PDE8B: variants seen among roughly 807,000 people sequenced by gnomAD.
PDE8B encodes the protein high affinity cAMP-specific and IBMX-insensitive 3',5'-cyclic phosphodiesterase 8B.
Under a neutral mutation model 101.3 loss-of-function variants are expected in PDE8B, and 26 were observed. The ratio of observed to expected loss-of-function variants is 0.26; its 90% CI spans 0.19 to 0.36. The LOEUF is 0.36. Among genes scored for constraint, PDE8B ranks in the 10% least tolerant of loss-of-function variants. The probability of loss-of-function intolerance (pLI) is 1.00; values close to 1 mark genes in which losing one functional copy is unlikely to be tolerated. For missense variants in PDE8B, 810 were observed against 1,163.1 expected, an observed-to-expected ratio of 0.70 and a Z score of 4.42; for synonymous variants, 424 against 429.3, an observed-to-expected ratio of 0.99 and a Z score of 0.15.
At chr5:77,204,801 A>G in the PDE8B span, among the ~76,000 whole-genome samples, 2 of 152,130 alleles carry the variant, frequency 1.3e-5, no homozygotes, top group Non-Finnish European at 2.9e-5. Flanking sequence ...AGAATTGACA[A>G]TACCACTCAT....
At chr5:77,116,224 ATTTTTTTT>A in the PDE8B span, among the ~76,000 whole-genome samples, 15 of 59,608 alleles carry the variant, frequency 2.5e-4, no homozygotes, top group African/African-American at 4.3e-4. Flanking sequence ...ATATATATAT[ATTTTTTTT>A]TTTTTTTTTT....
chr5:77,312,943 T>G (rs942541432), intron 2 of PDE8B, among the ~76,000 whole-genome samples: 6 of 152,212 alleles, frequency 3.9e-5, no homozygotes, highest in Non-Finnish European at 7.3e-5. Context: ...TGGCAGCAAC[T>G]ATGTCCTCCT....
chr5:77,204,743 A>G, the PDE8B span, among the ~76,000 whole-genome samples: 1 of 152,150 alleles, frequency 6.6e-6, no homozygotes, highest in Non-Finnish European at 1.5e-5. Context: ...TTGAGGCCCA[A>G]CTGAGATGCC....
At chr5:77,314,788 T>C (rs530203974) in intron 2 of PDE8B, among the ~76,000 whole-genome samples, 2 of 152,212 alleles carry the variant, frequency 1.3e-5, no homozygotes, top group East Asian at 3.9e-4. Context: ...CAAAGTACAA[T>C]TTTACACTCT....
At chr5:77,150,768 G>A in the PDE8B span, among the ~76,000 whole-genome samples, 2 of 152,184 alleles carry the variant, frequency 1.3e-5, no homozygotes, top group South Asian at 4.1e-4. Flanking sequence ...ACTATGAAGT[G>A]TATTTATTCC....
At chr5:77,269,249 T>C (rs2149760846) in intron 1 of PDE8B, among the ~76,000 whole-genome samples, 1 of 152,320 alleles carries the variant, frequency 6.6e-6, no homozygotes, top group African/African-American at 2.4e-5. Context: ...CATCTTTTTA[T>C]ATACCTGTTT....
chr5:77,123,636 GTGGTCCCAGCTACT>G, the PDE8B span, among the ~76,000 whole-genome samples: 1 of 152,088 alleles, frequency 6.6e-6, no homozygotes, highest in Non-Finnish European at 1.5e-5. Flanking sequence ...GTGCACACCT[GTGGTCCCAGCTACT>G]TGGGAGGTTG....
At chr5:77,116,118 A>C in the PDE8B span, among the ~76,000 whole-genome samples, 1 of 151,928 alleles carries the variant, frequency 6.6e-6, no homozygotes, top group Middle Eastern at 3.4e-3. Context: ...CAAGTAAGAC[A>C]ATCAAAGACA....
At chr5:77,213,932 G>T (rs62362638) in intron 1 of PDE8B, 25,896 of 152,404 alleles carry the variant, frequency 0.17, 2,718 homozygotes, top group East Asian at 0.53. Context: ...AAAAAAAAGG[G>T]TTATAAGCAT....
intron 15 of PDE8B, 64 bp from the exon 16 acceptor site, chr5:77,412,036 C>T (rs1794671112): frequency 6.4e-7 from 1 of 1,555,518 alleles, no homozygotes; most frequent in South Asian, 1.1e-5. Flanking sequence ...AAGATGATGA[C>T]AGACACCCGG....
chr5:77,414,671 C>A (rs1795186385), intron 17 of PDE8B, among the ~76,000 whole-genome samples: 1 of 151,230 alleles, frequency 6.6e-6, no homozygotes, highest in South Asian at 2.1e-4. Flanking sequence ...ACCTCGTGAT[C>A]CACCCGCCTC....
the PDE8B span, among the ~76,000 whole-genome samples, chr5:77,155,965 C>G: frequency 6.6e-6 from 1 of 152,178 alleles, no homozygotes; most frequent in African/African-American, 2.4e-5. Flanking sequence ...TAAGTATCAT[C>G]TGTAATGACG....
At chr5:77,120,169 C>A in the PDE8B span, among the ~76,000 whole-genome samples, 1 of 152,108 alleles carries the variant, frequency 6.6e-6, no homozygotes, top group Admixed American at 6.5e-5. Context: ...AAAAGCCTTA[C>A]GCAAAATAAT....
the PDE8B span, among the ~76,000 whole-genome samples, chr5:77,121,204 G>T: frequency 2.0e-5 from 3 of 152,182 alleles, no homozygotes; most frequent in Non-Finnish European, 4.4e-5. Flanking sequence ...TTCAAGCCAA[G>T]GCTGCATTCA....
chr5:77,264,962 C>A (rs1404196530), intron 1 of PDE8B, among the ~76,000 whole-genome samples: 1 of 152,180 alleles, frequency 6.6e-6, no homozygotes, highest in Non-Finnish European at 1.5e-5. Flanking sequence ...TGAAGTGCAT[C>A]TCTTTCCTAG....
the PDE8B span, among the ~76,000 whole-genome samples, chr5:77,110,704 G>A: frequency 6.6e-6 from 1 of 152,200 alleles, no homozygotes; most frequent in African/African-American, 2.4e-5. Context: ...AGACTGCGAT[G>A]AAGTCAGCAG....
At chr5:77,265,068 G>C (rs1026722237) in intron 1 of PDE8B, among the ~76,000 whole-genome samples, 1 of 152,168 alleles carries the variant, frequency 6.6e-6, no homozygotes, top group African/African-American at 2.4e-5. Context: ...TTGACACACT[G>C]ATGGTGTCCT....
At chr5:77,233,699 T>TGTGTGCGC (rs979930633) in intron 1 of PDE8B, among the ~76,000 whole-genome samples, 48 of 147,004 alleles carry the variant, frequency 3.3e-4, no homozygotes, top group African/African-American at 1.2e-3. Flanking sequence ...TGTGTGTGTG[T>TGTGTGCGC]GCAGTAGACT....
At chr5:77,088,247 C>T in the PDE8B span, 2 of 152,456 alleles carry the variant, frequency 1.3e-5, no homozygotes, top group African/African-American at 4.8e-5. Context: ...GGCTTCCAGC[C>T]CCACGGCAGT....
Sources: allele counts gnomAD v4.1 joint callset (sites outside exome capture counted in the v4.1 genomes callset), GRCh38; gene constraint gnomAD v4.1.1; transcripts MANE v1.5; gene names NCBI Gene and HGNC (gene_info 2026-07-23, HGNC 2026-07-21).